Variants in TCF4 observed in about 807,000 individuals in gnomAD.
The protein encoded by TCF4 is transcription factor 4.
In TCF4, 3 loss-of-function variants were observed where a neutral mutation model predicts 82.1. The ratio of observed to expected loss-of-function variants is 0.04; its 90% CI spans 0.02 to 0.09. TCF4 has a LOEUF of 0.09. TCF4 is among the 10% of genes least tolerant of loss of function. The probability of loss-of-function intolerance (pLI) is 1.00; values close to 1 mark genes in which losing one functional copy is unlikely to be tolerated. For missense variants in TCF4, 518 were observed against 852.7 expected, an observed-to-expected ratio of 0.61 and a Z score of 4.89; for synonymous variants, 276 against 309.6, an observed-to-expected ratio of 0.89 and a Z score of 1.14.
At chr18:55,284,094 G>A (rs1021302854) in intron 8 of TCF4, among the ~76,000 whole-genome samples, 1 of 152,108 alleles carries the variant, frequency 6.6e-6, no homozygotes, top group Non-Finnish European at 1.5e-5. Context: ...ATACTCTTGT[G>A]GCATCTGATA....
intron 14 of TCF4, among the ~76,000 whole-genome samples, chr18:55,255,945 A>G (rs2056707787): frequency 6.6e-6 from 1 of 152,198 alleles, no homozygotes; most frequent in Admixed American, 6.6e-5. Context: ...TGTCTAATAT[A>G]GTAGTCTATG....
At chr18:55,229,468 G>T (rs1460972628) in intron 17 of TCF4, 4 of 220,242 alleles carry the variant, frequency 1.8e-5, no homozygotes, top group Non-Finnish European at 3.7e-5. Context: ...GCTTCAAAAA[G>T]ACTTTATGTT....
intron 2 of TCF4, among the ~76,000 whole-genome samples, chr18:55,628,940 G>A (rs1014514861): frequency 2.0e-5 from 3 of 152,100 alleles, no homozygotes; most frequent in Non-Finnish European, 4.4e-5. Flanking sequence ...GACATAAGTC[G>A]ACAGACTTCA....
intron 8 of TCF4, among the ~76,000 whole-genome samples, chr18:55,342,491 T>C (rs571152848): frequency 6.6e-6 from 1 of 152,108 alleles, no homozygotes; most frequent in African/African-American, 2.4e-5. Context: ...AATAGTACAA[T>C]AGATACAGAA....
At chr18:55,519,438 A>C (rs529266201) in intron 3 of TCF4, among the ~76,000 whole-genome samples, 34 of 151,844 alleles carry the variant, frequency 2.2e-4, no homozygotes, top group Non-Finnish European at 4.0e-4. Flanking sequence ...CGTCTCAAAA[A>C]AAGAAAAAAA....
intron 3 of TCF4, among the ~76,000 whole-genome samples, chr18:55,475,644 C>T (rs186570362): frequency 2.3e-3 from 353 of 152,322 alleles, no homozygotes; most frequent in Non-Finnish European, 4.1e-3. Context: ...CACTCTTAGA[C>T]AAGCGATAAC....
At position 55,304,314 on chromosome 18, in the gene TCF4, G is replaced by A. The variant is rs148887205; in HGVS notation, c.550-24658C>T. ...AACATAAACAAAAATATAGGAATTC[G>A]ATGTGAGAGTAAGACAAATAAGCCT... On this transcript the variant is annotated intron_variant, in intron 8 of 19. Transcript: ENST00000354452. 1.5e-3 allele frequency among the ~76,000 whole-genome samples: 231 copies of A among 152,190 alleles called. No homozygotes were observed. In the Middle Eastern group the frequency reaches 0.024, roughly 16 times the overall value.
At position 55,256,642 on chromosome 18, in the gene TCF4, G is replaced by A. The variant is rs184706446; in HGVS notation, c.1146+673C>T. Among the ~76,000 whole-genome samples, 5 of 152,140 alleles carry A rather than the reference G, an allele frequency of 3.3e-5. No individual in the cohort carries two copies. In the East Asian group the frequency reaches 5.8e-4, roughly 18 times the overall value. On this transcript the variant is annotated intron_variant, in intron 14 of 19. Coordinates refer to ENST00000354452, the MANE Select transcript of TCF4 (RefSeq NM_001083962.2). Reference sequence around the variant, plus strand: ...AGGGAGAAAAGAAAACCTCAACCCCGAGGAACTAAAAGGCTCCTCTCCCTT... The same window carrying A: ...AGGGAGAAAAGAAAACCTCAACCCCAAGGAACTAAAAGGCTCCTCTCCCTT...
chr18:55,577,084 A>T (rs1217953980), intron 3 of TCF4, among the ~76,000 whole-genome samples: 1 of 146,484 alleles, frequency 6.8e-6, no homozygotes, highest in Non-Finnish European at 1.5e-5. Context: ...TATATATATT[A>T]TATATACATT....
At chr18:55,512,880 T>C (rs1164425468) in intron 3 of TCF4, among the ~76,000 whole-genome samples, 1 of 152,142 alleles carries the variant, frequency 6.6e-6, no homozygotes, top group Non-Finnish European at 1.5e-5. Context: ...TCTGAATGAA[T>C]AGCTAGTAAG....
intron 6 of TCF4, among the ~76,000 whole-genome samples, chr18:55,384,762 T>C (rs1428310243): frequency 6.6e-6 from 1 of 152,156 alleles, no homozygotes; most frequent in Admixed American, 6.5e-5. Context: ...GGCTAGCTCC[T>C]TGAGGACACT....
rs115564146 is a variant in TCF4, at chr18:55,340,259, C to G, written c.549+10100G>C. Among the ~76,000 whole-genome samples the G allele has an allele frequency of 1.3e-3, 191 of 152,308 alleles. 1 individual carries two copies. The highest frequency in any genetic ancestry group is 4.2e-3 in the African/African-American group (174 of 41,556). On this transcript the variant is annotated intron_variant, in intron 8 of 19. Transcript: ENST00000354452. The stretch of plus-strand genomic sequence containing the variant: ...ACAGTATAAGCAGCTCCGGGCATCA[C>G]AGCCGATGTACCAGTTCAAAAGAGA...
intron 6 of TCF4, among the ~76,000 whole-genome samples, chr18:55,356,321 C>A (rs2083507950): frequency 6.6e-6 from 1 of 152,108 alleles, no homozygotes; most frequent in African/African-American, 2.4e-5. Flanking sequence ...TGGGAGTCTA[C>A]ATAACAAAGA....
rs772434611 is a variant in TCF4 at position 55,259,968 on chromosome 18, G to C, written c.1050C>G (p.Gly350=). 30 of 1,612,990 alleles carry C rather than the reference G, an allele frequency of 1.9e-5. No homozygotes were observed. The highest frequency in any genetic ancestry group is 4.0e-5 in the African/African-American group (3 of 74,938). ...SFSSNPSTPV[G]SPPSLSAGTA... ...CACTACCTGAGAGAGATGGAGGAGAGCCAACAGGAGTTGAAGGGTTTGATG... is the reference window on the plus strand; with the variant it reads ...CACTACCTGAGAGAGATGGAGGAGACCCAACAGGAGTTGAAGGGTTTGATG... The change falls in exon 13 of 20, where the codon GGC becomes GGG. Residue 350 remains glycine (G), a synonymous_variant. Coordinates refer to ENST00000354452, the MANE Select transcript of TCF4 (RefSeq NM_001083962.2).
intron 10 of TCF4, among the ~76,000 whole-genome samples, chr18:55,270,900 T>C (rs1163304370): frequency 2.0e-5 from 3 of 152,122 alleles, no homozygotes; most frequent in African/African-American, 4.8e-5. Context: ...GGCATCTGAA[T>C]GTGTTATGTA....
chr18:55,292,131 T>C (rs1419226709), intron 8 of TCF4, among the ~76,000 whole-genome samples: 1 of 152,110 alleles, frequency 6.6e-6, no homozygotes, highest in Non-Finnish European at 1.5e-5. Flanking sequence ...AATATTTAAA[T>C]TTTAGGTATT....
intron 3 of TCF4, among the ~76,000 whole-genome samples, chr18:55,509,237 A>AC (rs1268910549): frequency 6.6e-6 from 1 of 152,168 alleles, no homozygotes; most frequent in African/African-American, 2.4e-5. Context: ...TTATATAAAA[A>AC]AAAACTTTGA....
chr18:55,604,728 C>A (rs148884237), intron 2 of TCF4, among the ~76,000 whole-genome samples: 2 of 152,262 alleles, frequency 1.3e-5, no homozygotes, highest in East Asian at 1.9e-4. Context: ...GTTGCAAGAG[C>A]CCCATGTCAT....
chr18:55,459,738 A>G (rs2095838530), intron 5 of TCF4, among the ~76,000 whole-genome samples: 1 of 152,172 alleles, frequency 6.6e-6, no homozygotes, highest in East Asian at 1.9e-4. Context: ...TCTATCAACA[A>G]CTGATAAAGA....
Sources: allele counts gnomAD v4.1 joint callset (sites outside exome capture counted in the v4.1 genomes callset), GRCh38; gene constraint gnomAD v4.1.1; transcripts MANE v1.5; gene names NCBI Gene and HGNC (gene_info 2026-07-23, HGNC 2026-07-21).